The following PUM2 variants were observed in gnomAD, a reference collection of about 807,000 sequenced individuals.
The protein encoded by PUM2 is pumilio RNA binding family member 2.
PUM2 carries 57 observed loss-of-function variants against 124.5 expected under a neutral mutation model. That is an observed-to-expected ratio of 0.46 (90% CI 0.37 to 0.57). The LOEUF (loss-of-function observed/expected upper bound fraction) is 0.57, where lower values mean the gene tolerates loss of function less well. Ranked by LOEUF, PUM2 falls within the 20% of genes least tolerant of loss-of-function variation. The probability of loss-of-function intolerance (pLI) is 0.00; values close to 1 mark genes in which losing one functional copy is unlikely to be tolerated. For missense variants in PUM2, 1,065 were observed against 1,290.6 expected, an observed-to-expected ratio of 0.83 and a Z score of 2.68; for synonymous variants, 460 against 446.1, an observed-to-expected ratio of 1.03 and a Z score of -0.39.
chr2:20,269,016 A>G lies in PUM2; in HGVS notation c.1958-5556T>C, dbSNP rs545796448. ...TTAGAGAATCTAAATAACTTATCCA[A>G]GAAAGCACAGCTAATAATTAGGCTG... On this transcript the variant is annotated intron_variant, in intron 13 of 20. Transcript: ENST00000361078. Among the ~76,000 whole-genome samples, 22 of 152,258 alleles carry G rather than the reference A, an allele frequency of 1.4e-4. No individual in the cohort carries two copies. The South Asian group carries it at 4.4e-3, about 30-fold the overall frequency.
At chr2:20,343,796 T>C (rs1687679813) in intron 1 of PUM2, among the ~76,000 whole-genome samples, 1 of 152,134 alleles carries the variant, frequency 6.6e-6, no homozygotes, top group Non-Finnish European at 1.5e-5. Context: ...GGGTATGATG[T>C]TGTGCGCCTG....
chr2:20,325,156 A>T (rs1440200319), intron 2 of PUM2, among the ~76,000 whole-genome samples: 1 of 152,210 alleles, frequency 6.6e-6, no homozygotes, highest in Non-Finnish European at 1.5e-5. Flanking sequence ...GGCTTGTGGG[A>T]GAGAGAACCC....
At position 20,249,832 on chromosome 2, in the gene PUM2, G is replaced by C. The variant is rs562373332; in HGVS notation, c.*1753C>G. On this transcript the variant is annotated 3_prime_UTR_variant, in exon 21 of 21. Coordinates refer to ENST00000361078, the MANE Select transcript of PUM2 (RefSeq NM_015317.5). Reference sequence around the variant, plus strand: ...ATCTTTCAGAAACTGAATATACACAGCAAGTTTTTTTCCAAAATATTTTCA... The same window carrying C: ...ATCTTTCAGAAACTGAATATACACACCAAGTTTTTTTCCAAAATATTTTCA... The C allele has an allele frequency of 1.3e-4, 20 of 152,670 alleles. No individual in the cohort carries two copies. The highest frequency in any genetic ancestry group is 2.5e-4 in the Non-Finnish European group (17 of 68,018). The allele number at this position is 152,670 out of a possible 1,614,324, so 9.5% of individuals were successfully genotyped here. A position where few individuals can be genotyped will look rare whatever the true frequency, so the allele number is the denominator to read the frequency against.
At chr2:20,335,112 CA>C (rs1182659963) in intron 1 of PUM2, among the ~76,000 whole-genome samples, 2 of 152,106 alleles carry the variant, frequency 1.3e-5, no homozygotes, top group East Asian at 1.9e-4. Flanking sequence ...TTTGTAGAGA[CA>C]GGGGTCTCCC....
chr2:20,332,419 A>C lies in PUM2; in HGVS notation c.-18-5041T>G, dbSNP rs893305185. 6.0e-5 allele frequency among the ~76,000 whole-genome samples: 9 copies of C among 151,208 alleles called. No individual in the cohort carries two copies. The South Asian group carries it at 6.2e-4, about 10-fold the overall frequency. On this transcript the variant is annotated intron_variant, in intron 1 of 20. Transcript: ENST00000361078. ...AGAGTAAAAAGACTTAAAAAAAAAAAAAACCCACCCCCATCAGCACAACTT... is the reference window on the plus strand; with the variant it reads ...AGAGTAAAAAGACTTAAAAAAAAAACAAACCCACCCCCATCAGCACAACTT...
At chr2:20,351,245 C>T (rs546991091), upstream of PUM2, among the ~76,000 whole-genome samples, 24 of 152,394 alleles carry the variant, frequency 1.6e-4, no homozygotes, top group African/African-American at 5.8e-4. Context: ...GCGCCGCCCA[C>T]CGTGGGGTAC....
chr2:20,295,890 C>T (rs1269401814), intron 8 of PUM2, among the ~76,000 whole-genome samples: 2 of 152,174 alleles, frequency 1.3e-5, no homozygotes, highest in Non-Finnish European at 2.9e-5. Context: ...TTCTGGCTCA[C>T]ATTGTATTTC....
chr2:20,341,830 T>G (rs1687280341), intron 1 of PUM2, among the ~76,000 whole-genome samples: 2 of 152,172 alleles, frequency 1.3e-5, no homozygotes, highest in African/African-American at 4.8e-5. Flanking sequence ...AAAAACAACT[T>G]AAGAAATGTT....
In PUM2 at chr2:20,333,596, T is replaced by C. The variant is rs1685371733; in HGVS notation, c.-18-6218A>G. On this transcript the variant is annotated intron_variant, in intron 1 of 20. Transcript: ENST00000361078. ...GTAAAGAAGCAAGAAAATGCATTAA[T>C]ATAGGACATTTACATTATTAAAAGT... Among the ~76,000 whole-genome samples, 3 of 152,118 alleles carry C rather than the reference T, an allele frequency of 2.0e-5. No homozygotes were observed. In the South Asian group the frequency reaches 6.2e-4, roughly 32 times the overall value.
chr2:20,317,744 C>T (rs929933353), intron 3 of PUM2, among the ~76,000 whole-genome samples: 2 of 152,044 alleles, frequency 1.3e-5, no homozygotes, highest in African/African-American at 2.4e-5. Context: ...GTCTGTTGTT[C>T]CCCTCTTTGT....
At chr2:20,259,371 A>T (rs1277565047) in intron 15 of PUM2, among the ~76,000 whole-genome samples, 1 of 152,242 alleles carries the variant, frequency 6.6e-6, no homozygotes, top group Non-Finnish European at 1.5e-5. Flanking sequence ...CATCACTATC[A>T]CTATTTGTTT....
intron 14 of PUM2, among the ~76,000 whole-genome samples, chr2:20,262,587 G>C (rs1296558320): frequency 6.6e-6 from 1 of 152,138 alleles, no homozygotes; most frequent in Non-Finnish European, 1.5e-5. Context: ...GACAAAATTT[G>C]TACACCATCT....
chr2:20,282,936 A>C lies in PUM2; in HGVS notation c.1720+11T>G. 1 of 1,611,182 alleles carries C rather than the reference A, an allele frequency of 6.2e-7. No individual in the cohort carries two copies. The highest frequency in any genetic ancestry group is 2.2e-5 in the East Asian group (1 of 44,872). ...CTTAGCAGAGTACACTCATCGTAAA[A>C]ACAAACTTACCTGATGAACCAAATC... On this transcript the variant is annotated intron_variant, in intron 12 of 20. Coordinates refer to ENST00000361078, the MANE Select transcript of PUM2 (RefSeq NM_015317.5).
intron 1 of PUM2, among the ~76,000 whole-genome samples, chr2:20,337,742 A>G (rs893387197): frequency 4.6e-5 from 7 of 152,214 alleles, no homozygotes; most frequent in African/African-American, 1.7e-4. Context: ...TTCCTCAAAC[A>G]TACTTTTGAC....
intron 1 of PUM2, among the ~76,000 whole-genome samples, chr2:20,331,559 T>G (rs1684908232): frequency 7.1e-6 from 1 of 140,544 alleles, no homozygotes; most frequent in Non-Finnish European, 1.5e-5. Flanking sequence ...ACCAAGAAGG[T>G]AGTCAATGTG....
chr2:20,278,208 T>A (rs1670685869), intron 13 of PUM2, among the ~76,000 whole-genome samples: 1 of 152,174 alleles, frequency 6.6e-6, no homozygotes, highest in Admixed American at 6.6e-5. Flanking sequence ...GTTCAGTAGC[T>A]ATGTAACTAA....
chr2:20,303,544 G>C (rs1399414348), intron 7 of PUM2, among the ~76,000 whole-genome samples: 6 of 149,676 alleles, frequency 4.0e-5, no homozygotes, highest in Admixed American at 3.4e-4. Context: ...TTATAATGCT[G>C]AGTTTTGCCC....
At chr2:20,285,994 C>CACAGAAA (rs1672629513) in intron 10 of PUM2, among the ~76,000 whole-genome samples, 1 of 152,028 alleles carries the variant, frequency 6.6e-6, no homozygotes, top group Non-Finnish European at 1.5e-5. Context: ...AAATAGAAGA[C>CACAGAAA]ACAGAAAGTA....
intron 10 of PUM2, among the ~76,000 whole-genome samples, chr2:20,289,542 G>T (rs1673521155): frequency 6.6e-6 from 1 of 152,090 alleles, no homozygotes; most frequent in South Asian, 2.1e-4. Flanking sequence ...TATGGCTGGG[G>T]TATAAAAAAT....
Sources: allele counts gnomAD v4.1 joint callset (sites outside exome capture counted in the v4.1 genomes callset), GRCh38; gene constraint gnomAD v4.1.1; transcripts MANE v1.5; gene names NCBI Gene and HGNC (gene_info 2026-07-23, HGNC 2026-07-21).